STK39: variants seen among roughly 807,000 people sequenced by gnomAD.
STK39 encodes the protein STE20/SPS1-related proline-alanine-rich protein kinase.
STK39 carries 20 observed loss-of-function variants against 77.8 expected under a neutral mutation model. The ratio of observed to expected loss-of-function variants is 0.26; its 90% CI spans 0.18 to 0.37. STK39 has a LOEUF of 0.37. STK39 is among the 10% of genes least tolerant of loss of function. The pLI is 1.00. For missense variants in STK39, 479 were observed against 656.5 expected (o/e 0.73, Z 2.95); for synonymous variants, 246 against 234.1 (o/e 1.05, Z -0.47).
chr2:168,076,472 ATTTAAATATTTAAGTTTAG>A (rs1686081262), intron 10 of STK39, among the ~76,000 whole-genome samples: 2 of 152,162 alleles, frequency 1.3e-5, no homozygotes, highest in African/African-American at 4.8e-5. Flanking sequence ...CAGAACTTAA[ATTTAAATATTTAAGTTTAG>A]TATACATGTC....
intron 1 of STK39, among the ~76,000 whole-genome samples, chr2:168,184,968 G>A (rs1382780939): frequency 6.6e-6 from 1 of 152,156 alleles, no homozygotes; most frequent in East Asian, 1.9e-4. Context: ...TACCAACACT[G>A]TCTTGCTTTA....
chr2:168,080,509 A>T (rs139574528), intron 10 of STK39, among the ~76,000 whole-genome samples: 4,682 of 152,166 alleles, frequency 0.031, 248 homozygotes, highest in African/African-American at 0.11. Flanking sequence ...AGGTGCCTGT[A>T]GTCCCAGCTA....
intron 16 of STK39, among the ~76,000 whole-genome samples, chr2:167,994,727 T>C (rs1469134661): frequency 6.6e-6 from 1 of 152,208 alleles, no homozygotes; most frequent in African/African-American, 2.4e-5. Flanking sequence ...TTCTTACACT[T>C]AGCATAATGC....
intron 16 of STK39, among the ~76,000 whole-genome samples, chr2:168,007,580 A>C (rs1470025278): frequency 2.0e-5 from 3 of 152,184 alleles, no homozygotes; most frequent in Non-Finnish European, 2.9e-5. Flanking sequence ...AAAATAAGAA[A>C]GAGGGTAGAG....
At chr2:168,230,841 C>G (rs1017300301) in intron 1 of STK39, among the ~76,000 whole-genome samples, 2 of 152,134 alleles carry the variant, frequency 1.3e-5, no homozygotes, top group African/African-American at 4.8e-5. Context: ...CTTGGAAATG[C>G]CCCCAAGTTC....
intron 10 of STK39, among the ~76,000 whole-genome samples, chr2:168,110,036 T>C (rs1051703115): frequency 1.3e-5 from 2 of 152,214 alleles, no homozygotes; most frequent in Non-Finnish European, 2.9e-5. Flanking sequence ...TTGTCCTTAA[T>C]TTCAATGCGT....
At chr2:168,086,584 GA>G (rs528865962) in intron 10 of STK39, among the ~76,000 whole-genome samples, 2 of 151,936 alleles carry the variant, frequency 1.3e-5, no homozygotes, top group Admixed American at 6.6e-5. Flanking sequence ...TAGGCAATTA[GA>G]AAAAAAATTC....
chr2:168,078,822 A>G (rs1021795480), intron 10 of STK39, among the ~76,000 whole-genome samples: 3 of 151,836 alleles, frequency 2.0e-5, no homozygotes, highest in Admixed American at 2.0e-4. Context: ...GGGATTTGGG[A>G]ATCTCCTTGG....
chr2:168,176,919 G>A (rs905548567), intron 2 of STK39, among the ~76,000 whole-genome samples: 1 of 152,132 alleles, frequency 6.6e-6, no homozygotes, highest in African/African-American at 2.4e-5. Flanking sequence ...TGAAAAGGGG[G>A]TTTTGTTAAT....
intron 10 of STK39, among the ~76,000 whole-genome samples, chr2:168,094,717 C>T (rs1396302063): frequency 6.6e-6 from 1 of 152,112 alleles, no homozygotes; most frequent in Admixed American, 6.5e-5. Flanking sequence ...CCAGGACTCC[C>T]CAGGGCTCCT....
chr2:167,985,325 CT>C (rs1346957578), intron 16 of STK39, among the ~76,000 whole-genome samples: 1 of 152,182 alleles, frequency 6.6e-6, no homozygotes, highest in Non-Finnish European at 1.5e-5. Flanking sequence ...GGAAGAACTT[CT>C]GAACTGATTT....
At chr2:168,109,818 G>A (rs775777204) in intron 10 of STK39, among the ~76,000 whole-genome samples, 5 of 152,208 alleles carry the variant, frequency 3.3e-5, no homozygotes, top group Admixed American at 1.3e-4. Context: ...TAATGATGCT[G>A]CACATCCTTT....
intron 10 of STK39, among the ~76,000 whole-genome samples, chr2:168,126,072 T>C (rs1291007285): frequency 6.6e-6 from 1 of 152,232 alleles, no homozygotes; most frequent in African/African-American, 2.4e-5. Flanking sequence ...AAGAGAATGC[T>C]GTTTATGACA....
intron 10 of STK39, among the ~76,000 whole-genome samples, chr2:168,103,338 T>TACC (rs1686885963): frequency 6.6e-6 from 1 of 152,240 alleles, no homozygotes. Context: ...TCGAATCTTT[T>TACC]CTGAAATAGA....
chr2:167,973,763 A>T (rs1028485538), intron 16 of STK39, among the ~76,000 whole-genome samples: 1 of 152,208 alleles, frequency 6.6e-6, no homozygotes, highest in African/African-American at 2.4e-5. Context: ...TAAATTAAGT[A>T]AGAATAAGCT....
chr2:168,247,343 C>G lies in STK39; in HGVS notation c.93G>C (p.Ala31=). Reference sequence around the variant, plus strand: ...GAGCTGCCGGGGCCGGCGCTGCTGTCGCGGCCGCCGGGGCCGCCGCCGCCG... The same window carrying G: ...GAGCTGCCGGGGCCGGCGCTGCTGTGGCGGCCGCCGGGGCCGCCGCCGCCG... ...TAAAAAAPAA[A]TAAPAPAAPA... is the part of the protein sequence containing the mutation. Residue 31 remains alanine (A), a synonymous_variant, in exon 1 of 18, where the codon GCG becomes GCC. Transcript: ENST00000355999. 1 of 1,044,232 alleles carries G rather than the reference C, an allele frequency of 9.6e-7. No individual in the cohort carries two copies. The highest frequency in any genetic ancestry group is 1.2e-6 in the Non-Finnish European group (1 of 866,016). 64.7% of individuals were successfully genotyped at this position (1,044,232 alleles called of 1,614,324 possible).
chr2:167,972,968 T>G (rs1336557631), intron 16 of STK39, among the ~76,000 whole-genome samples: 1 of 152,166 alleles, frequency 6.6e-6, no homozygotes, highest in Non-Finnish European at 1.5e-5. Flanking sequence ...CCCTAGAAAC[T>G]GCATGCTTTC....
Position 168,014,699 on chromosome 2 carries a change from G to A in STK39, c.1430-1997C>T, listed in dbSNP as rs1574392707. Among the ~76,000 whole-genome samples, 4 of 152,260 alleles carry A rather than the reference G, an allele frequency of 2.6e-5. No homozygotes were observed. The South Asian group carries it at 6.2e-4, about 24-fold the overall frequency. ...GAATTAAAGAGCCTAACACCTAGTA[G>A]GCACTGAGCAGATAGCAGGTAGTCA... On this transcript the variant is annotated intron_variant, in intron 15 of 17. Transcript: ENST00000355999.
chr2:168,228,989 A>T (rs1187682440), intron 1 of STK39, among the ~76,000 whole-genome samples: 2 of 152,168 alleles, frequency 1.3e-5, no homozygotes, highest in Non-Finnish European at 2.9e-5. Context: ...CTCTAACTTT[A>T]TAAAGATAAC....
Sources: gnomAD v4.1 joint callset for allele counts (sites outside exome capture counted in the v4.1 genomes callset) on GRCh38, gnomAD v4.1.1 for gene constraint, MANE v1.5 for transcripts, NCBI Gene and HGNC (gene_info 2026-07-23, HGNC 2026-07-21) for gene names.